The following PNPLA7 variants were observed in gnomAD, a reference collection of about 807,000 sequenced individuals.
PNPLA7 encodes patatin like domain 7, lysophospholipase.
Under a neutral mutation model 161.7 loss-of-function variants are expected in PNPLA7, and 153 were observed. The ratio of observed to expected loss-of-function variants is 0.95; its 90% CI spans 0.83 to 1.08. The LOEUF (loss-of-function observed/expected upper bound fraction) is 1.08. Among genes scored for constraint, PNPLA7 ranks in the 50% least tolerant of loss-of-function variants. The pLI is 0.00. For missense variants in PNPLA7, 1,739 were observed against 1,856.6 expected (o/e 0.94, Z 1.16); for synonymous variants, 809 against 782.1 (o/e 1.03, Z -0.57).
chr9:137,462,525 TC>T, intron 30 of PNPLA7, 159 bp downstream of exon 30: 1 of 1,390,656 alleles, frequency 7.2e-7, no homozygotes, highest in Non-Finnish European at 9.5e-7. Flanking sequence ...CCTCGTGCCT[TC>T]CTTCGCCCGA....
chr9:137,533,419 C>T (rs1156610034), intron 8 of PNPLA7, among the ~76,000 whole-genome samples: 4 of 140,080 alleles, frequency 2.9e-5, no homozygotes, highest in African/African-American at 1.1e-4. Flanking sequence ...CACCCCCAGA[C>T]TCCTCCCCAA....
intron 8 of PNPLA7, among the ~76,000 whole-genome samples, chr9:137,533,737 C>G (rs1835720207): frequency 6.6e-6 from 1 of 150,854 alleles, no homozygotes; most frequent in African/African-American, 2.4e-5. Flanking sequence ...CCACTCCAGG[C>G]AGGAGGGCTC....
intron 11 of PNPLA7, among the ~76,000 whole-genome samples, chr9:137,517,033 A>G (rs1373116562): frequency 5.2e-5 from 7 of 134,004 alleles, no homozygotes; most frequent in Non-Finnish European, 1.1e-4. Flanking sequence ...TGTCCACTCC[A>G]TCCCCTGTCA....
At chr9:137,522,687 G>C (rs1438551829) in intron 9 of PNPLA7, 42 bp downstream of exon 9, 1 of 1,608,642 alleles carries the variant, frequency 6.2e-7, no homozygotes, top group Admixed American at 1.7e-5. Flanking sequence ...CCCCCAGGGT[G>C]ACCCACAGCA....
At position 137,462,014 on chromosome 9, in the gene PNPLA7, C is replaced by T. The variant is rs1345467159; in HGVS notation, c.3673G>A (p.Val1225Met). ...CCGCTGCGGCCCCAGATGTCAAACA[C>T]CGTGCGCCCGTGCTGGTAGCCCACT... is the stretch of plus-strand genomic sequence containing the variant. ...CEVGYQHGRT[V>M]FDIWGRSGVL... Residue 1225 changes from valine (V) to methionine (M), a missense_variant, in exon 32 of 35, where the codon GTG becomes ATG. Val to Met is a conservative substitution (Grantham distance 21). Around this residue, in one of 6 missense-constraint regions of PNPLA7, gnomAD observed 703 missense variants for 694.6 expected, o/e 1.01. Transcript: ENST00000406427. 3 of 1,600,902 alleles carry T rather than the reference C, an allele frequency of 1.9e-6. No individual in the cohort carries two copies. Among genetic ancestry groups the T allele is most frequent in the Middle Eastern group, 1.7e-4 (1 of 6,054 alleles).
intron 32 of PNPLA7, 48 bp from the exon 33 acceptor site, chr9:137,461,668 C>A: frequency 6.5e-7 from 1 of 1,527,192 alleles, no homozygotes. Flanking sequence ...ACCCGCCTGC[C>A]AGTCCCCAGC....
intron 16 of PNPLA7, among the ~76,000 whole-genome samples, chr9:137,498,823 G>T (rs12350964): frequency 0.017 from 2,544 of 152,284 alleles, 75 homozygotes; most frequent in African/African-American, 0.058. Flanking sequence ...GGTGGGACGT[G>T]GGGCAACCTG....
At chr9:137,470,346 A>T (rs1831652208) in intron 25 of PNPLA7, among the ~76,000 whole-genome samples, 1 of 152,108 alleles carries the variant, frequency 6.6e-6, no homozygotes, top group African/African-American at 2.4e-5. Context: ...AATTTGTTTT[A>T]TTTATTCCTT....
chr9:137,501,185 T>A (rs1030812229), intron 15 of PNPLA7, among the ~76,000 whole-genome samples: 5 of 152,234 alleles, frequency 3.3e-5, no homozygotes, highest in African/African-American at 1.2e-4. Flanking sequence ...CCCTGGCAAA[T>A]GCGCGTCAGC....
chr9:137,510,726 G>A lies in PNPLA7; in HGVS notation c.1226-4643C>T, dbSNP rs539822501. Among the ~76,000 whole-genome samples, 11 of 152,172 alleles carry A rather than the reference G, an allele frequency of 7.2e-5. No individual in the cohort carries two copies. The South Asian group carries it at 1.0e-3, about 14-fold the overall frequency. On this transcript the variant is annotated intron_variant, in intron 12 of 34. Transcript: ENST00000406427. ...TTTATTTCTACACTCTCTCATCGCC[G>A]CACACAGGGAGAGACCCACTGACCC...
Position 137,543,587 on chromosome 9 carries a change from C to CA in PNPLA7, c.366-16dup. ...AACGCAGAATCCTACAAGGCAGAGA[C>CA]ACACTAGCCTTGAGCAGACCAGGCG... On this transcript the variant is annotated splice_polypyrimidine_tract_variant and intron_variant, in intron 5 of 34. Coordinates refer to ENST00000406427, the MANE Select transcript of PNPLA7 (RefSeq NM_001098537.3). This position sits in a 1 kb window ranked among gnomAD's most constrained non-coding sequence, Gnocchi z 6.9. 1 of 1,609,134 alleles carries CA rather than the reference C, an allele frequency of 6.2e-7. No homozygotes were observed. Among genetic ancestry groups the CA allele is most frequent in the Non-Finnish European group, 8.5e-7 (1 of 1,177,522 alleles).
At chr9:137,472,826 A>G (rs1831770792) in intron 25 of PNPLA7, among the ~76,000 whole-genome samples, 2 of 146,178 alleles carry the variant, frequency 1.4e-5, no homozygotes, top group Non-Finnish European at 3.0e-5. Context: ...GTGGTGCCAC[A>G]TGCCTATAAT....
intron 25 of PNPLA7, among the ~76,000 whole-genome samples, chr9:137,477,662 C>G (rs954970230): frequency 2.0e-5 from 3 of 152,238 alleles, no homozygotes; most frequent in Non-Finnish European, 2.9e-5. Flanking sequence ...CCAGGATGGT[C>G]TCAATCTCTT....
intron 14 of PNPLA7, among the ~76,000 whole-genome samples, chr9:137,504,521 G>T (rs560944449): frequency 6.6e-6 from 1 of 152,236 alleles, no homozygotes; most frequent in East Asian, 1.9e-4. Flanking sequence ...CAGAAAAGCA[G>T]ATTTAAGAGA....
At chr9:137,503,965 GGAAGAA>G (rs1223333713) in intron 14 of PNPLA7, among the ~76,000 whole-genome samples, 28 of 78,512 alleles carry the variant, frequency 3.6e-4, no homozygotes, top group African/African-American at 1.2e-3. Flanking sequence ...GAAGGAAGAA[GGAAGAA>G]GAAGAAGGAA....
At position 137,490,482 on chromosome 9, in the gene PNPLA7, GAGGCC is replaced by G. The variant is rs1832712154; in HGVS notation, c.2197+2526_2197+2530del. On this transcript the variant is annotated intron_variant, in intron 20 of 34. Coordinates refer to ENST00000406427, the MANE Select transcript of PNPLA7 (RefSeq NM_001098537.3). This position sits in a 1 kb window ranked among gnomAD's most constrained non-coding sequence, Gnocchi z 4.1. ...CCTGGATCCTTCATGAGAAGCAACAGAGGCCATGAGGAAGTGGCACAAGATTTTTA... is the reference window on the plus strand; with the variant it reads ...CCTGGATCCTTCATGAGAAGCAACAGATGAGGAAGTGGCACAAGATTTTTA... Among the ~76,000 whole-genome samples, 1 of 152,218 alleles carries G rather than the reference GAGGCC, an allele frequency of 6.6e-6. No individual in the cohort carries two copies.
chr9:137,489,936 C>T (rs1039926484), intron 20 of PNPLA7, among the ~76,000 whole-genome samples: 7 of 152,152 alleles, frequency 4.6e-5, no homozygotes, highest in South Asian at 4.1e-4. Context: ...GTGGAAGAAT[C>T]GTTTGAAGAC....
chr9:137,537,647 C>G lies in PNPLA7; in HGVS notation c.747+2995G>C, dbSNP rs1835964374. Among the ~76,000 whole-genome samples the G allele has an allele frequency of 6.6e-6, 1 of 152,122 alleles. No homozygotes were observed. On this transcript the variant is annotated intron_variant, in intron 8 of 34. Transcript: ENST00000406427. The surrounding 1 kb of genome is among the most constrained non-coding windows in gnomAD (Gnocchi z 4.5). ...TCCCATTTTTTACTCCCACTACACT[C>G]AGGGAAGATCCATTCCCACCCCTAA...
chr9:137,546,722 C>T (rs1434502306), intron 4 of PNPLA7, 108 bp downstream of exon 4: 1 of 977,150 alleles, frequency 1.0e-6, no homozygotes, highest in Admixed American at 1.8e-5. Context: ...GAGGACAGCA[C>T]ACACCAAGCA....
Sources: gnomAD v4.1 joint callset for allele counts (sites outside exome capture counted in the v4.1 genomes callset) on GRCh38, gnomAD v4.1.1 for gene constraint, gnomAD v4.1.1 regional missense constraint, Gnocchi (gnomAD v3.1) non-coding constraint, MANE v1.5 for transcripts, NCBI Gene and HGNC (gene_info 2026-07-23, HGNC 2026-07-21) for gene names.